The following DLGAP2 variants were observed in gnomAD, a reference collection of about 807,000 sequenced individuals.
DLGAP2 encodes DLG associated protein 2.
A neutral mutation model predicts 100.3 loss-of-function variants in DLGAP2; 26 were observed. The ratio of observed to expected loss-of-function variants is 0.26; its 90% CI spans 0.19 to 0.36. The LOEUF (loss-of-function observed/expected upper bound fraction) is 0.36, where lower values mean the gene tolerates loss of function less well. DLGAP2 is among the 10% of genes least tolerant of loss of function. DLGAP2 has a pLI of 1.00. For missense variants in DLGAP2, 1,858 were observed against 1,453.2 expected, an observed-to-expected ratio of 1.28 and a Z score of -4.53; for synonymous variants, 886 against 630.1, an observed-to-expected ratio of 1.41 and a Z score of -6.08.
intron 2 of DLGAP2, among the ~76,000 whole-genome samples, chr8:1,140,778 G>A (rs1796507803): frequency 6.6e-6 from 1 of 152,218 alleles, no homozygotes; most frequent in East Asian, 1.9e-4. Flanking sequence ...TCAGAGACCA[G>A]CCTGGCCAAC....
In DLGAP2 at chr8:1,226,502, T is replaced by G. The variant is rs547585704; in HGVS notation, c.74-32349T>G. Among the ~76,000 whole-genome samples, 3 of 152,176 alleles carry G rather than the reference T, an allele frequency of 2.0e-5. No individual in the cohort carries two copies. The South Asian group carries it at 6.2e-4, about 32-fold the overall frequency. ...GCAAGGGGGAGGGAGAGCATCAGGATAAATAGCTAATGCATGTGGGGCTTA... is the reference window on the plus strand; with the variant it reads ...GCAAGGGGGAGGGAGAGCATCAGGAGAAATAGCTAATGCATGTGGGGCTTA... On this transcript the variant is annotated intron_variant, in intron 2 of 14. Transcript: ENST00000637795.
chr8:1,264,310 G>C (rs1362464009), intron 3 of DLGAP2, among the ~76,000 whole-genome samples: 6 of 152,084 alleles, frequency 3.9e-5, no homozygotes, highest in African/African-American at 1.4e-4. Flanking sequence ...TCTGTGCCCT[G>C]TCAGGTAGGG....
At chr8:1,470,432 T>C (rs912528847) in intron 3 of DLGAP2, among the ~76,000 whole-genome samples, 1 of 152,110 alleles carries the variant, frequency 6.6e-6, no homozygotes, top group African/African-American at 2.4e-5. Flanking sequence ...TGGCAGCTGA[T>C]AGATATGTTT....
intron 2 of DLGAP2, among the ~76,000 whole-genome samples, chr8:1,190,100 C>T (rs545488338): frequency 6.6e-6 from 1 of 152,192 alleles, no homozygotes; most frequent in Non-Finnish European, 1.5e-5. Context: ...GCCCTCTGGA[C>T]TCTTACTGCT....
intron 1 of DLGAP2, among the ~76,000 whole-genome samples, chr8:808,196 A>G (rs1796304387): frequency 6.6e-6 from 1 of 152,132 alleles, no homozygotes; most frequent in African/African-American, 2.4e-5. Flanking sequence ...TTTCAGCATC[A>G]CACAGGTTTG....
chr8:1,591,566 C>T (rs1321400526), intron 6 of DLGAP2, among the ~76,000 whole-genome samples: 4 of 152,160 alleles, frequency 2.6e-5, no homozygotes, highest in South Asian at 2.1e-4. Flanking sequence ...TTCACCCCTG[C>T]AGCCTATTTG....
intron 1 of DLGAP2, among the ~76,000 whole-genome samples, chr8:789,878 A>G (rs112221880): frequency 6.0e-4 from 92 of 152,316 alleles, no homozygotes; most frequent in African/African-American, 2.1e-3. Context: ...TGATCAAAGC[A>G]GCTGGAGACA....
chr8:1,149,054 A>G (rs577960129), intron 2 of DLGAP2, among the ~76,000 whole-genome samples: 166 of 152,328 alleles, frequency 1.1e-3, no homozygotes, highest in South Asian at 0.011. Flanking sequence ...CAATTTTTGC[A>G]TCTGATATTT....
intron 6 of DLGAP2, among the ~76,000 whole-genome samples, chr8:1,614,944 C>G (rs1584995729): frequency 1.3e-5 from 2 of 152,360 alleles, no homozygotes; most frequent in East Asian, 3.9e-4. Flanking sequence ...AGGAAAGGCG[C>G]CGCGCTCACT....
chr8:1,097,825 G>A (rs143850819), intron 2 of DLGAP2, among the ~76,000 whole-genome samples: 5 of 115,704 alleles, frequency 4.3e-5, no homozygotes, highest in African/African-American at 1.1e-4. Flanking sequence ...CAGGAGAGTC[G>A]AGCTGGCAGC....
chr8:989,754 A>G (rs1563131204), intron 2 of DLGAP2, among the ~76,000 whole-genome samples: 2 of 152,192 alleles, frequency 1.3e-5, no homozygotes, highest in South Asian at 2.1e-4. Flanking sequence ...TATGAAATAC[A>G]TAATATTGTT....
intron 2 of DLGAP2, among the ~76,000 whole-genome samples, chr8:1,029,485 C>T (rs141028372): frequency 2.6e-3 from 391 of 151,958 alleles, no homozygotes; most frequent in Middle Eastern, 6.8e-3. Context: ...CTGAGAGGTT[C>T]TGGGGGGATG....
chr8:1,246,522 G>A (rs1411860011), intron 2 of DLGAP2, among the ~76,000 whole-genome samples: 2 of 152,194 alleles, frequency 1.3e-5, no homozygotes, highest in African/African-American at 2.4e-5. Context: ...AATTCATCAT[G>A]CTCTTCTGCC....
At chr8:1,583,785 C>T (rs1796026225) in intron 6 of DLGAP2, among the ~76,000 whole-genome samples, 1 of 152,158 alleles carries the variant, frequency 6.6e-6, no homozygotes, top group African/African-American at 2.4e-5. Flanking sequence ...TCTCAGCTTT[C>T]TGTTTGAGAC....
intron 1 of DLGAP2, among the ~76,000 whole-genome samples, chr8:741,112 T>A (rs575812693): frequency 3.3e-5 from 5 of 152,258 alleles, no homozygotes; most frequent in Non-Finnish European, 7.3e-5. Context: ...TTCTTCAATA[T>A]GTTTTGTTGT....
intron 3 of DLGAP2, among the ~76,000 whole-genome samples, chr8:1,288,743 G>T (rs1799994464): frequency 1.4e-5 from 2 of 145,222 alleles, no homozygotes; most frequent in Admixed American, 6.9e-5. Flanking sequence ...GTGTGTGCGT[G>T]GTTGTTAGGA....
intron 3 of DLGAP2, among the ~76,000 whole-genome samples, chr8:1,381,737 G>A (rs1045514085): frequency 4.2e-4 from 64 of 151,682 alleles, no homozygotes; most frequent in Admixed American, 2.8e-3. Flanking sequence ...TCGCGTTGCC[G>A]TGAATGCTGG....
chr8:795,084 T>C (rs7463362), intron 1 of DLGAP2, among the ~76,000 whole-genome samples: 150,071 of 152,254 alleles, frequency 0.99, 73,996 homozygotes, highest in Middle Eastern at 1. Flanking sequence ...TTTAGATACC[T>C]GACTGCATTT....
chr8:1,703,524 GAAGT>G lies in DLGAP2; in HGVS notation c.*2121_*2124del, dbSNP rs1167324119. ...GATTTCAGATGAACTCTGCTGTTTA[GAAGT>G]AACCACAGAAAAGCAAAGTCAGTGT... On this transcript the variant is annotated 3_prime_UTR_variant, in exon 15 of 15. Coordinates refer to ENST00000637795, the MANE Select transcript of DLGAP2 (RefSeq NM_001346810.2). 1.3e-5 allele frequency: 2 copies of G among 152,432 alleles called. No individual in the cohort carries two copies. The highest frequency in any genetic ancestry group is 3.8e-4 in the East Asian group (2 of 5,196). 9.4% of individuals were successfully genotyped at this position (152,432 alleles called of 1,614,324 possible).
Sources: allele counts gnomAD v4.1 joint callset (sites outside exome capture counted in the v4.1 genomes callset), GRCh38; gene constraint gnomAD v4.1.1; transcripts MANE v1.5; gene names NCBI Gene and HGNC (gene_info 2026-07-23, HGNC 2026-07-21).